Variants in SENP6 observed in about 807,000 individuals in gnomAD.
SENP6 encodes SUMO specific peptidase 6, also known as sentrin-specific protease 6.
SENP6 carries 41 observed loss-of-function variants against 134.5 expected under a neutral mutation model. That is an observed-to-expected ratio of 0.30 (90% confidence interval 0.24 to 0.40). The LOEUF (loss-of-function observed/expected upper bound fraction) is 0.40. SENP6 is among the 10% of genes least tolerant of loss of function. The pLI is 1.00. For missense variants in SENP6, 1,248 were observed against 1,312.5 expected (o/e 0.95, Z 0.76); for synonymous variants, 395 against 429.8 (o/e 0.92, Z 1.00).
intron 19 of SENP6, among the ~76,000 whole-genome samples, chr6:75,707,697 CT>C (rs1775496987): frequency 6.6e-6 from 1 of 151,750 alleles, no homozygotes; most frequent in Non-Finnish European, 1.5e-5. Context: ...GATTTTTGTT[CT>C]TTTTTGAGAC....
At chr6:75,617,730 C>T (rs1348133288) in intron 1 of SENP6, among the ~76,000 whole-genome samples, 3 of 152,156 alleles carry the variant, frequency 2.0e-5, no homozygotes, top group Non-Finnish European at 4.4e-5. Flanking sequence ...TTGGATTTAA[C>T]CAGTAATTCC....
intron 16 of SENP6, among the ~76,000 whole-genome samples, chr6:75,691,808 A>G (rs1407253674): frequency 2.0e-5 from 3 of 151,534 alleles, no homozygotes; most frequent in Non-Finnish European, 2.9e-5. Flanking sequence ...GTTAGCCAGG[A>G]TGGTCTCGAT....
rs143684011 is a variant in SENP6 at position 75,614,089 on chromosome 6, G to T, written c.53-7443G>T. 7.6e-4 allele frequency among the ~76,000 whole-genome samples: 116 copies of T among 152,140 alleles called. 1 individual carries two copies. In the East Asian group the frequency reaches 0.018, roughly 23 times the overall value. On this transcript the variant is annotated intron_variant, in intron 1 of 23. Transcript: ENST00000447266. Reference sequence around the variant, plus strand: ...GATGTTTCCTTATGATTCAAGTCAGGTTATGCATTTTTTAAAAATATAAGG... The same window carrying T: ...GATGTTTCCTTATGATTCAAGTCAGTTTATGCATTTTTTAAAAATATAAGG...
rs376133355 is a variant in SENP6 at position 75,613,940 on chromosome 6, G to A, written c.53-7592G>A. Reference sequence around the variant, plus strand: ...TACAGAATGATGTATTGCATTGATTGTTATGTCCCATTTGTCTTCTTTAAT... The same window carrying A: ...TACAGAATGATGTATTGCATTGATTATTATGTCCCATTTGTCTTCTTTAAT... On this transcript the variant is annotated intron_variant, in intron 1 of 23. Transcript: ENST00000447266. 4.6e-5 allele frequency among the ~76,000 whole-genome samples: 7 copies of A among 152,140 alleles called. No homozygotes were observed. The East Asian group carries it at 9.6e-4, about 21-fold the overall frequency.
At chr6:75,612,361 T>TA (rs1767516969) in intron 1 of SENP6, among the ~76,000 whole-genome samples, 3 of 152,226 alleles carry the variant, frequency 2.0e-5, no homozygotes, top group African/African-American at 2.4e-5. Flanking sequence ...ATTTCTAAGT[T>TA]ACGTTTTTCT....
chr6:75,629,659 A>G (rs1057247187), intron 3 of SENP6, among the ~76,000 whole-genome samples: 3 of 152,224 alleles, frequency 2.0e-5, no homozygotes, highest in South Asian at 2.1e-4. Flanking sequence ...ATAATCCTTC[A>G]GAAGATCTTT....
intron 17 of SENP6, among the ~76,000 whole-genome samples, chr6:75,696,698 A>G (rs1170853300): frequency 6.6e-6 from 1 of 152,112 alleles, no homozygotes; most frequent in African/African-American, 2.4e-5. Context: ...GCTGGTTTCA[A>G]ACTCCTGGGC....
intron 6 of SENP6, among the ~76,000 whole-genome samples, chr6:75,641,783 G>A (rs1325291296): frequency 6.6e-6 from 1 of 152,098 alleles, no homozygotes. Flanking sequence ...TTCCAGACTA[G>A]CCTTGGCAAC....
chr6:75,643,083 A>G (rs1039786585), intron 6 of SENP6, among the ~76,000 whole-genome samples: 2 of 152,234 alleles, frequency 1.3e-5, no homozygotes, highest in Admixed American at 1.3e-4. Flanking sequence ...GAAGGTAACT[A>G]TATTCATTTG....
intron 16 of SENP6, chr6:75,680,000 T>C (rs1351163843): frequency 6.6e-6 from 1 of 152,220 alleles, no homozygotes; most frequent in Admixed American, 6.5e-5. Context: ...GTTAAGACCA[T>C]TTTGATAGGC....
chr6:75,672,631 A>G (rs377182405), intron 11 of SENP6, among the ~76,000 whole-genome samples: 11 of 152,118 alleles, frequency 7.2e-5, no homozygotes, highest in African/African-American at 2.2e-4. Context: ...ATGATTTGAT[A>G]TTTTCTTCTT....
rs1464768661 is a variant in SENP6, at chr6:75,717,258, A to C, written c.*1664A>C. ...TTTTAAAACCTAATAGCAATAAGCA[A>C]AATTGGCATACATAATTTTTTTAAT... On this transcript the variant is annotated 3_prime_UTR_variant, in exon 24 of 24. Coordinates refer to ENST00000447266, the MANE Select transcript of SENP6 (RefSeq NM_015571.4). 1 of 152,102 alleles carries C rather than the reference A, an allele frequency of 6.6e-6. No homozygotes were observed. Among genetic ancestry groups the C allele is most frequent in the African/African-American group, 2.4e-5 (1 of 41,456 alleles). The allele number at this position is 152,102 out of a possible 1,614,324, so 9.4% of individuals were successfully genotyped here.
intron 21 of SENP6, among the ~76,000 whole-genome samples, chr6:75,713,112 C>T (rs1209857436): frequency 6.6e-6 from 1 of 151,822 alleles, no homozygotes; most frequent in Admixed American, 6.6e-5. Flanking sequence ...AAAAATGGGC[C>T]GAGGTTGGGG....
chr6:75,687,183 C>T (rs965972323), intron 16 of SENP6, among the ~76,000 whole-genome samples: 1 of 152,220 alleles, frequency 6.6e-6, no homozygotes, highest in East Asian at 1.9e-4. Flanking sequence ...TCCTCTTGAT[C>T]GAATTGGCTA....
rs561122995 is a variant in SENP6 at position 75,714,809 on chromosome 6, T to G, written c.3130-576T>G. ...TAACCTGGAATACTTTTTTGTTGCTTCTATTATACCTTGTCTGTCTAACAT... is the reference window on the plus strand; with the variant it reads ...TAACCTGGAATACTTTTTTGTTGCTGCTATTATACCTTGTCTGTCTAACAT... On this transcript the variant is annotated intron_variant, in intron 23 of 23. Coordinates refer to ENST00000447266, the MANE Select transcript of SENP6 (RefSeq NM_015571.4). Among the ~76,000 whole-genome samples, 46 of 152,332 alleles carry G rather than the reference T, an allele frequency of 3.0e-4. No individual in the cohort carries two copies. The South Asian group carries it at 4.6e-3, about 15-fold the overall frequency.
At chr6:75,654,548 C>A (rs1435876179) in intron 7 of SENP6, among the ~76,000 whole-genome samples, 1 of 152,170 alleles carries the variant, frequency 6.6e-6, no homozygotes, top group Non-Finnish European at 1.5e-5. Flanking sequence ...GTGATAGATA[C>A]ATGACTTTAG....
At chr6:75,647,646 G>A (rs1387465260) in intron 6 of SENP6, 85 bp from the exon 7 acceptor site, 1 of 816,566 alleles carries the variant, frequency 1.2e-6, no homozygotes, top group Non-Finnish European at 2.0e-6. Flanking sequence ...GCTTTTAATA[G>A]GCTTATTGTA....
chr6:75,683,255 T>C (rs1773590191), intron 16 of SENP6, among the ~76,000 whole-genome samples: 1 of 151,976 alleles, frequency 6.6e-6, no homozygotes, highest in Non-Finnish European at 1.5e-5. Flanking sequence ...TGATGGGGTT[T>C]TTTTTTCTTG....
At chr6:75,685,182 G>A (rs181393702) in intron 16 of SENP6, among the ~76,000 whole-genome samples, 2 of 152,254 alleles carry the variant, frequency 1.3e-5, no homozygotes, top group East Asian at 3.9e-4. Context: ...TAGATTATTT[G>A]CATAGAGGTG....
Sources: allele counts gnomAD v4.1 joint callset (sites outside exome capture counted in the v4.1 genomes callset), GRCh38; gene constraint gnomAD v4.1.1; transcripts MANE v1.5; gene names NCBI Gene and HGNC (gene_info 2026-07-23, HGNC 2026-07-21).